Variants in NAALADL2 observed in about 807,000 individuals in gnomAD.
NAALADL2 encodes N-acetylated alpha-linked acidic dipeptidase like 2, also known as inactive N-acetylated-alpha-linked acidic dipeptidase-like protein 2.
Under a neutral mutation model 87.2 loss-of-function variants are expected in NAALADL2, and 76 were observed. The observed-to-expected ratio is 0.87, with a 90% CI of 0.72 to 1.05. NAALADL2 has a LOEUF of 1.05. Ranked by LOEUF, NAALADL2 falls within the 50% of genes least tolerant of loss-of-function variation. The probability of loss-of-function intolerance (pLI) is 0.00; values close to 1 mark genes in which losing one functional copy is unlikely to be tolerated. For missense variants in NAALADL2, 1,089 were observed against 945.8 expected (o/e 1.15, Z -1.99); for synonymous variants, 354 against 331.0 (o/e 1.07, Z -0.75).
chr3:174,642,749 C>CATATATATAT lies in NAALADL2; in HGVS notation c.-115+92143_-115+92152dup, dbSNP rs71624288. Among the ~76,000 whole-genome samples, 219 of 130,140 alleles carry CATATATATAT rather than the reference C, an allele frequency of 1.7e-3. 2 individuals carry two copies. The highest frequency in any genetic ancestry group is 4.9e-3 in the African/African-American group (165 of 33,862). 85.4% of individuals were successfully genotyped at this position (130,140 alleles called of 152,430 possible). On this transcript the variant is annotated intron_variant, in intron 2 of 3. Coordinates refer to the NAALADL2 transcript ENST00000434257. Reference sequence around the variant, plus strand: ...GTAATATCAGTGCCATGAAAAAAAACATATATATATATATATATATATATA... The same window carrying CATATATATAT: ...GTAATATCAGTGCCATGAAAAAAAACATATATATATATATATATATATATATATATATATA...
At chr3:175,785,976 C>G (rs1280710984) in intron 13 of NAALADL2, among the ~76,000 whole-genome samples, 4 of 151,982 alleles carry the variant, frequency 2.6e-5, no homozygotes, top group Admixed American at 6.6e-5. Flanking sequence ...CTTAGTTTGG[C>G]TGGATATGAA....
chr3:174,564,837 ATCTT>A (rs940295030), intron 2 of NAALADL2, among the ~76,000 whole-genome samples: 1 of 151,796 alleles, frequency 6.6e-6, no homozygotes, highest in African/African-American at 2.4e-5. Context: ...TGCTTTATAT[ATCTT>A]TTTTTTTCCA....
At chr3:175,306,325 T>C (rs1757716822) in intron 4 of NAALADL2, among the ~76,000 whole-genome samples, 1 of 152,190 alleles carries the variant, frequency 6.6e-6, no homozygotes, top group African/African-American at 2.4e-5. Context: ...TTTATCTTAT[T>C]TATTTTACCT....
At chr3:175,243,531 CTTTTTTT>C (rs3066298) in intron 3 of NAALADL2, among the ~76,000 whole-genome samples, 4 of 85,598 alleles carry the variant, frequency 4.7e-5, no homozygotes, top group Admixed American at 1.6e-4. Context: ...CACATCAGGA[CTTTTTTT>C]TTTTTTTTTT....
chr3:174,944,156 C>G (rs1485601181), intron 1 of NAALADL2, among the ~76,000 whole-genome samples: 1 of 152,172 alleles, frequency 6.6e-6, no homozygotes, highest in African/African-American at 2.4e-5. Context: ...AGATGAGGGC[C>G]TGCTCCTCCC....
At chr3:175,626,904 T>C (rs1727065036) in intron 10 of NAALADL2, among the ~76,000 whole-genome samples, 1 of 151,858 alleles carries the variant, frequency 6.6e-6, no homozygotes. Flanking sequence ...TATCTCCAGT[T>C]CAGAATTTGG....
At chr3:175,802,951 A>G in intron 13 of NAALADL2, 54 bp from the exon 14 acceptor site, 1 of 1,148,116 alleles carries the variant, frequency 8.7e-7, no homozygotes, top group Non-Finnish European at 1.3e-6. Context: ...CCAACGTTTG[A>G]TAGAAAAATA....
intron 11 of NAALADL2, among the ~76,000 whole-genome samples, chr3:175,642,485 T>C (rs1439693008): frequency 6.6e-6 from 1 of 151,276 alleles, no homozygotes; most frequent in Non-Finnish European, 1.5e-5. Context: ...GCCCAAGATA[T>C]TCATCACCCA....
chr3:175,558,120 G>A (rs1211917105), intron 9 of NAALADL2, among the ~76,000 whole-genome samples: 20 of 148,432 alleles, frequency 1.3e-4, no homozygotes, highest in Admixed American at 1.4e-4. Context: ...GCGTGAACCC[G>A]GGAGGCGGAG....
At chr3:175,017,665 G>T (rs964086787) in intron 1 of NAALADL2, among the ~76,000 whole-genome samples, 10 of 152,160 alleles carry the variant, frequency 6.6e-5, no homozygotes, top group Non-Finnish European at 1.5e-4. Flanking sequence ...ATAGAAATAT[G>T]CCAGTCTCTT....
intron 2 of NAALADL2, among the ~76,000 whole-genome samples, chr3:174,678,565 T>G (rs1391673071): frequency 6.6e-6 from 1 of 152,162 alleles, no homozygotes; most frequent in Middle Eastern, 3.2e-3. Context: ...TGCCATTTGA[T>G]TTTTATTTAC....
rs986793142 is a variant in NAALADL2, at chr3:175,804,964, T to C, written c.*1761T>C. ...AACCAATGTATTTGTTTGCAAACATTTGCCATGTTGAAGAGTGTGTATAGG... is the reference window on the plus strand; with the variant it reads ...AACCAATGTATTTGTTTGCAAACATCTGCCATGTTGAAGAGTGTGTATAGG... On this transcript the variant is annotated 3_prime_UTR_variant, in exon 14 of 14. Coordinates refer to ENST00000454872, the MANE Select transcript of NAALADL2 (RefSeq NM_207015.3). 1 of 151,916 alleles carries C rather than the reference T, an allele frequency of 6.6e-6. No homozygotes were observed. The highest frequency in any genetic ancestry group is 1.5e-5 in the Non-Finnish European group (1 of 67,888). The allele number at this position is 151,916 out of a possible 1,614,324, so 9.4% of individuals were successfully genotyped here. A position where few individuals can be genotyped will look rare whatever the true frequency, so the allele number is the denominator to read the frequency against.
chr3:175,653,539 A>G (rs1011368329), intron 11 of NAALADL2, among the ~76,000 whole-genome samples: 1 of 151,972 alleles, frequency 6.6e-6, no homozygotes, highest in Non-Finnish European at 1.5e-5. Flanking sequence ...TTTCTCCAAG[A>G]CATGTATTTG....
At chr3:175,738,147 T>TA (rs1324820515) in intron 12 of NAALADL2, among the ~76,000 whole-genome samples, 2 of 152,146 alleles carry the variant, frequency 1.3e-5, no homozygotes, top group Non-Finnish European at 2.9e-5. Flanking sequence ...TACTTCTCAA[T>TA]AAAAAAGTCA....
At chr3:175,100,145 A>G (rs1205169860) in intron 2 of NAALADL2, among the ~76,000 whole-genome samples, 1 of 152,118 alleles carries the variant, frequency 6.6e-6, no homozygotes, top group African/African-American at 2.4e-5. Context: ...TAAAAATATT[A>G]AAGTATCACT....
intron 10 of NAALADL2, among the ~76,000 whole-genome samples, chr3:175,622,242 T>A (rs901527404): frequency 2.6e-5 from 4 of 152,144 alleles, no homozygotes; most frequent in African/African-American, 9.7e-5. Context: ...AAGGCATTTA[T>A]ATTTAATACT....
chr3:175,717,540 G>C (rs1476846192), intron 11 of NAALADL2, among the ~76,000 whole-genome samples: 1 of 151,704 alleles, frequency 6.6e-6, no homozygotes, highest in Non-Finnish European at 1.5e-5. Context: ...AAAATCACAA[G>C]AATTAGCTAG....
At chr3:174,972,259 T>G (rs912033018) in intron 1 of NAALADL2, among the ~76,000 whole-genome samples, 1 of 152,228 alleles carries the variant, frequency 6.6e-6, no homozygotes, top group African/African-American at 2.4e-5. Context: ...TCTTTCAGTT[T>G]GTTAAACCTA....
intron 5 of NAALADL2, among the ~76,000 whole-genome samples, chr3:175,347,475 A>G (rs1763276468): frequency 6.6e-6 from 1 of 152,144 alleles, no homozygotes; most frequent in Non-Finnish European, 1.5e-5. Flanking sequence ...CTACTTTTAG[A>G]TTTGAAAGGA....
Sources: allele counts gnomAD v4.1 joint callset (sites outside exome capture counted in the v4.1 genomes callset), GRCh38; gene constraint gnomAD v4.1.1; transcripts MANE v1.5; gene names NCBI Gene and HGNC (gene_info 2026-07-23, HGNC 2026-07-21).